MRPS6: variants seen among roughly 807,000 people sequenced by gnomAD.
MRPS6 encodes mitochondrial ribosomal protein S6.
In MRPS6, 6 loss-of-function variants were observed where a neutral mutation model predicts 13.1. The observed-to-expected ratio is 0.46, with a 90% CI of 0.25 to 0.91. MRPS6 has a LOEUF of 0.91. Ranked by LOEUF, MRPS6 falls within the 40% of genes least tolerant of loss-of-function variation. The pLI, the probability that MRPS6 is intolerant of heterozygous loss-of-function variation, is 0.18. For synonymous variants in MRPS6, 61 were observed against 56.5 expected (o/e 1.08, Z -0.36); for missense variants, 164 against 155.6 (o/e 1.05, Z -0.29).
intron 2 of MRPS6, among the ~76,000 whole-genome samples, chr21:34,132,822 C>T (rs1275990529): frequency 1.3e-5 from 2 of 152,204 alleles, no homozygotes; most frequent in Non-Finnish European, 2.9e-5. Flanking sequence ...GGTCCCAAAG[C>T]TATCTGTGGT....
intron 1 of MRPS6, among the ~76,000 whole-genome samples, chr21:34,112,818 C>G (rs1402554530): frequency 2.6e-5 from 4 of 152,054 alleles, no homozygotes; most frequent in African/African-American, 7.2e-5. Flanking sequence ...ATTTGTCTTT[C>G]TTTGCCTGTC....
intron 1 of MRPS6, among the ~76,000 whole-genome samples, chr21:34,081,853 C>CTAAGTTTATTTCATCA (rs1989466126): frequency 6.6e-6 from 1 of 152,074 alleles, no homozygotes; most frequent in African/African-American, 2.4e-5. Context: ...CTTATTATAT[C>CTAAGTTTATTTCATCA]TAAGTTTATT....
In MRPS6 at chr21:34,125,491, T is replaced by G; in HGVS notation, c.185+11T>G. 1 of 1,612,360 alleles carries G rather than the reference T, an allele frequency of 6.2e-7. No homozygotes were observed. The highest frequency in any genetic ancestry group is 8.5e-7 in the Non-Finnish European group (1 of 1,179,408). On this transcript the variant is annotated intron_variant, in intron 2 of 2. Coordinates refer to ENST00000399312, the MANE Select transcript of MRPS6 (RefSeq NM_032476.4). ...GCACAACAGAGGCGGGTAAGTTTCT[T>G]CATGAAGTCTTGAAAGACGTTTTTG...
In MRPS6 at chr21:34,078,057, A is replaced by T. The variant is rs544689967; in HGVS notation, c.45+4312A>T. Reference sequence around the variant, plus strand: ...GGTCCTTGTAGTTTGCTTGGCAAGCATTTGATAACTAGGAAATAGTGAAGT... The same window carrying T: ...GGTCCTTGTAGTTTGCTTGGCAAGCTTTTGATAACTAGGAAATAGTGAAGT... On this transcript the variant is annotated intron_variant, in intron 1 of 2. Coordinates refer to ENST00000399312, the MANE Select transcript of MRPS6 (RefSeq NM_032476.4). 1.8e-4 allele frequency among the ~76,000 whole-genome samples: 27 copies of T among 152,206 alleles called. 1 individual carries two copies. Among genetic ancestry groups the T allele is most frequent in the Admixed American group, 1.6e-3 (24 of 15,286 alleles).
chr21:34,108,352 A>G (rs1420169428), intron 1 of MRPS6, among the ~76,000 whole-genome samples: 1 of 152,222 alleles, frequency 6.6e-6, no homozygotes, highest in Non-Finnish European at 1.5e-5. Flanking sequence ...GGTTACTTAC[A>G]GTATTCCCTG....
intron 1 of MRPS6, among the ~76,000 whole-genome samples, chr21:34,119,112 A>G (rs190903357): frequency 3.3e-4 from 50 of 152,312 alleles, no homozygotes; most frequent in Non-Finnish European, 5.9e-4. Flanking sequence ...AATTACCTAG[A>G]GGACTGAAAC....
intron 1 of MRPS6, among the ~76,000 whole-genome samples, chr21:34,078,543 A>G (rs775068227): frequency 6.6e-6 from 1 of 152,164 alleles, no homozygotes; most frequent in African/African-American, 2.4e-5. Context: ...TTAAAAATCT[A>G]GGTTATATCT....
chr21:34,104,108 G>C, intron 1 of MRPS6: 3 of 999,808 alleles, frequency 3.0e-6, no homozygotes, highest in Non-Finnish European at 3.6e-6. Flanking sequence ...TTGTATGTGA[G>C]AGATGAAGTT....
At chr21:34,104,305 A>G (rs1414129750) in intron 1 of MRPS6, 2 of 1,000,042 alleles carry the variant, frequency 2.0e-6, no homozygotes, top group African/African-American at 3.5e-5. Flanking sequence ...ATGAGATGAA[A>G]TCTGTTAATG....
At chr21:34,091,653 G>A (rs548443047) in intron 1 of MRPS6, among the ~76,000 whole-genome samples, 17 of 152,022 alleles carry the variant, frequency 1.1e-4, no homozygotes, top group Non-Finnish European at 2.1e-4. Context: ...ATCCAGATGC[G>A]TGGAATAGAA....
chr21:34,135,035 G>T (rs1449979923), intron 2 of MRPS6, among the ~76,000 whole-genome samples: 1 of 152,100 alleles, frequency 6.6e-6, no homozygotes, highest in Non-Finnish European at 1.5e-5. Flanking sequence ...CATAGAATTG[G>T]ATGGTATTGG....
At chr21:34,114,637 T>C (rs1263041590) in intron 1 of MRPS6, among the ~76,000 whole-genome samples, 1 of 152,188 alleles carries the variant, frequency 6.6e-6, no homozygotes, top group Non-Finnish European at 1.5e-5. Flanking sequence ...CCCTTTTCCT[T>C]TGACTTACCC....
intron 1 of MRPS6, among the ~76,000 whole-genome samples, chr21:34,110,592 A>C (rs1979657245): frequency 6.6e-6 from 1 of 152,336 alleles, no homozygotes; most frequent in African/African-American, 2.4e-5. Context: ...CCATAAAATG[A>C]CACATGTATG....
intron 1 of MRPS6, chr21:34,099,677 G>C: frequency 1.0e-6 from 1 of 997,656 alleles, no homozygotes; most frequent in South Asian, 4.7e-5. Flanking sequence ...CCTTCTTTCT[G>C]CTCTTGTCTT....
intron 1 of MRPS6, among the ~76,000 whole-genome samples, chr21:34,121,074 T>C (rs982696768): frequency 6.6e-6 from 1 of 152,288 alleles, no homozygotes; most frequent in South Asian, 2.1e-4. Flanking sequence ...ATGTACAAGA[T>C]AGACAAAGGT....
chr21:34,073,642 G>T lies in MRPS6; in HGVS notation c.-59G>T. 2.1e-6 allele frequency: 3 copies of T among 1,455,450 alleles called. No individual in the cohort carries two copies. Among genetic ancestry groups the T allele is most frequent in the East Asian group, 2.8e-5 (1 of 36,122 alleles). 90.2% of individuals were successfully genotyped at this position (1,455,450 alleles called of 1,614,324 possible). A position where few individuals can be genotyped will look rare whatever the true frequency, so the allele number is the denominator to read the frequency against. On this transcript the variant is annotated 5_prime_UTR_variant, in exon 1 of 3. Transcript: ENST00000399312. ...AGGTCCCCACTGTCCCCGCCGTCCC[G>T]CCCCTTCGCGTCCCGGGAACCGGCT...
chr21:34,104,880 T>C (rs2148662849), intron 1 of MRPS6: 1 of 1,000,270 alleles, frequency 1.0e-6, no homozygotes, highest in East Asian at 1.1e-4. Context: ...AAAATGCTTC[T>C]GGAGATTTCT....
intron 2 of MRPS6, among the ~76,000 whole-genome samples, chr21:34,128,069 C>T (rs1378962500): frequency 6.6e-6 from 1 of 152,140 alleles, no homozygotes; most frequent in Non-Finnish European, 1.5e-5. Context: ...CTGTTGGTAT[C>T]GTGTGTTTGT....
intron 1 of MRPS6, among the ~76,000 whole-genome samples, chr21:34,083,134 C>A (rs903309304): frequency 5.9e-5 from 9 of 152,110 alleles, no homozygotes; most frequent in Admixed American, 2.6e-4. Flanking sequence ...TGGTTAAGTG[C>A]TTTAATTTTG....
Sources: allele counts gnomAD v4.1 joint callset (sites outside exome capture counted in the v4.1 genomes callset), GRCh38; gene constraint gnomAD v4.1.1; transcripts MANE v1.5; gene names NCBI Gene and HGNC (gene_info 2026-07-23, HGNC 2026-07-21).